The following CPSF6 variants were observed in gnomAD, a reference collection of about 807,000 sequenced individuals.
The protein encoded by CPSF6 is cleavage and polyadenylation specificity factor subunit 6.
In CPSF6, 10 loss-of-function variants were observed where a neutral mutation model predicts 56.7. That is an observed-to-expected ratio of 0.18 (90% CI 0.11 to 0.30). The LOEUF is 0.30. CPSF6 is among the 10% of genes least tolerant of loss of function. The pLI is 1.00. For synonymous variants in CPSF6, 248 were observed against 244.8 expected (o/e 1.01, Z -0.12); for missense variants, 419 against 722.9 (o/e 0.58, Z 4.82).
In CPSF6 at chr12:69,257,808, A is replaced by G. The variant is rs201680895; in HGVS notation, c.597A>G (p.Gln199=). ...PGGSSRAAFP[Q]GGRGRGRFPG... is the part of the protein sequence containing the mutation. ...GCAGTTCCCGTGCAGCATTTCCACA[A>G]GGTGGTAGAGGACGGGGCCGTTTTC... Residue 199 remains glutamine (Q), a synonymous_variant, in exon 5 of 10, where the codon CAA becomes CAG. Transcript: ENST00000435070. 13 of 1,613,498 alleles carry G rather than the reference A, an allele frequency of 8.1e-6. No homozygotes were observed. Among genetic ancestry groups the G allele is most frequent in the Non-Finnish European group, 1.0e-5 (12 of 1,179,878 alleles).
chr12:69,258,267 C>A lies in CPSF6; in HGVS notation c.695-323C>A. 1 of 681,082 alleles carries A rather than the reference C, an allele frequency of 1.5e-6. No individual in the cohort carries two copies. 42.2% of individuals were successfully genotyped at this position (681,082 alleles called of 1,614,324 possible). ...TTCCTTGTTTCACTTTCTAGCTTGG[C>A]ATCAGAGTAGAATATAAGGTGGGTG... On this transcript the variant is annotated intron_variant, in intron 5 of 9. Coordinates refer to ENST00000435070, the MANE Select transcript of CPSF6 (RefSeq NM_007007.3). The surrounding 1 kb of genome is among the most constrained non-coding windows in gnomAD (Gnocchi z 4.2).
intron 1 of CPSF6, among the ~76,000 whole-genome samples, chr12:69,241,466 A>G (rs543614423): frequency 3.9e-5 from 6 of 152,244 alleles, no homozygotes; most frequent in Non-Finnish European, 8.8e-5. Context: ...CTTACAAGAT[A>G]ATACATTGGT....
intron 1 of CPSF6, among the ~76,000 whole-genome samples, chr12:69,241,424 T>C (rs1307792844): frequency 6.6e-6 from 1 of 152,210 alleles, no homozygotes; most frequent in Non-Finnish European, 1.5e-5. Context: ...GGAACAACGA[T>C]TGAGTGTTCA....
chr12:69,270,997 G>A lies in CPSF6; in HGVS notation c.*1489G>A, dbSNP rs1873214222. On this transcript the variant is annotated 3_prime_UTR_variant, in exon 10 of 10. Transcript: ENST00000435070. The stretch of plus-strand genomic sequence containing the variant: ...ATGCTTAAAGTGTTAAAATACCCTA[G>A]ATACTGTGTTATGTGCAACTGTAGA... 1.3e-5 allele frequency: 2 copies of A among 151,692 alleles called. No homozygotes were observed. The highest frequency in any genetic ancestry group is 6.6e-5 in the Admixed American group (1 of 15,226). The allele number at this position is 151,692 out of a possible 1,614,324, so 9.4% of individuals were successfully genotyped here. A position where few individuals can be genotyped will look rare whatever the true frequency, so the allele number is the denominator to read the frequency against.
At chr12:69,250,752 T>G (rs1175324763) in intron 1 of CPSF6, among the ~76,000 whole-genome samples, 2 of 152,090 alleles carry the variant, frequency 1.3e-5, no homozygotes, top group African/African-American at 4.8e-5. Flanking sequence ...GTTCAAGCGA[T>G]TCTCCTGCCT....
At chr12:69,246,027 C>T (rs1280039083) in intron 1 of CPSF6, among the ~76,000 whole-genome samples, 1 of 152,190 alleles carries the variant, frequency 6.6e-6, no homozygotes, top group Non-Finnish European at 1.5e-5. Context: ...GCAGAGGCTG[C>T]AGTGAGCTGA....
intron 1 of CPSF6, among the ~76,000 whole-genome samples, chr12:69,241,530 G>A (rs73335748): frequency 0.023 from 3,461 of 152,262 alleles, 135 homozygotes; most frequent in African/African-American, 0.078. Flanking sequence ...TAGAAGTTAA[G>A]CTTTTTTCAG....
chr12:69,249,371 A>G (rs78589938), intron 1 of CPSF6, among the ~76,000 whole-genome samples: 2,274 of 152,128 alleles, frequency 0.015, 25 homozygotes, highest in Admixed American at 0.023. Context: ...GCCTGGGCCC[A>G]TAATATCTTG....
chr12:69,247,383 T>A (rs76183018), intron 1 of CPSF6, among the ~76,000 whole-genome samples: 75 of 151,230 alleles, frequency 5.0e-4, no homozygotes, highest in Middle Eastern at 3.2e-3. Flanking sequence ...TTTTTTTTTT[T>A]AAACAAACCC....
intron 8 of CPSF6, 138 bp from the exon 9 acceptor site, chr12:69,262,235 T>C (rs932739682): frequency 1.9e-6 from 2 of 1,033,874 alleles, no homozygotes; most frequent in Admixed American, 3.1e-5. Context: ...TAAGTCGTTA[T>C]TGGCAGCTCA....
At chr12:69,264,525 C>T (rs1208299322) in intron 9 of CPSF6, among the ~76,000 whole-genome samples, 1 of 152,104 alleles carries the variant, frequency 6.6e-6, no homozygotes, top group East Asian at 1.9e-4. Flanking sequence ...CAGACATAAA[C>T]TACAAATTCC....
chr12:69,272,869 A>AGTGTGT lies in CPSF6; in HGVS notation c.*3384_*3389dup, dbSNP rs3051105. On this transcript the variant is annotated 3_prime_UTR_variant, in exon 10 of 10. Coordinates refer to ENST00000435070, the MANE Select transcript of CPSF6 (RefSeq NM_007007.3). ...AAGCATTCTATTTTTCTGTTCTTAC[A>AGTGTGT]GTGTGTGTGTGTGTGTGTGTGTGTG... is the stretch of plus-strand genomic sequence containing the variant. 0.02 allele frequency: 3,010 copies of AGTGTGT among 154,208 alleles called. 52 individuals are homozygous for AGTGTGT. The highest frequency in any genetic ancestry group is 0.053 in the East Asian group (283 of 5,316). The allele number at this position is 154,208 out of a possible 1,614,324, so 9.6% of individuals were successfully genotyped here. A position where few individuals can be genotyped will look rare whatever the true frequency, so the allele number is the denominator to read the frequency against.
chr12:69,260,322 T>TTC, intron 8 of CPSF6, 125 bp downstream of exon 8: 1 of 704,602 alleles, frequency 1.4e-6, no homozygotes, highest in Non-Finnish European at 2.3e-6. Flanking sequence ...TGGAGTGGTT[T>TTC]TTTTTTTTAA....
At chr12:69,248,105 C>T (rs1872011700) in intron 1 of CPSF6, among the ~76,000 whole-genome samples, 1 of 152,170 alleles carries the variant, frequency 6.6e-6, no homozygotes, top group Non-Finnish European at 1.5e-5. Flanking sequence ...TTTGTGTCAA[C>T]ATAGGAATTC....
chr12:69,269,233 A>G (rs1873135647), intron 9 of CPSF6, among the ~76,000 whole-genome samples: 2 of 151,818 alleles, frequency 1.3e-5, no homozygotes, highest in South Asian at 4.1e-4. Context: ...CATCACAGAA[A>G]CAGTAGCTGC....
rs1342545103 is a variant in CPSF6, at chr12:69,271,835, C to CT, written c.*2334dup. ...GGTTAATGTTATTTGAAAACTCTTC[C>CT]TTTTTTTAATGTGTAAAAACAATCC... On this transcript the variant is annotated 3_prime_UTR_variant, in exon 10 of 10. Transcript: ENST00000435070. 1 of 151,578 alleles carries CT rather than the reference C, an allele frequency of 6.6e-6. No individual in the cohort carries two copies. The highest frequency in any genetic ancestry group is 1.5e-5 in the Non-Finnish European group (1 of 67,628). 9.4% of individuals were successfully genotyped at this position (151,578 alleles called of 1,614,324 possible). A position where few individuals can be genotyped will look rare whatever the true frequency, so the allele number is the denominator to read the frequency against.
intron 1 of CPSF6, among the ~76,000 whole-genome samples, chr12:69,242,579 G>A (rs1300827996): frequency 6.6e-6 from 1 of 152,130 alleles, no homozygotes. Flanking sequence ...CTCCTTATGG[G>A]TTCTCTTTAG....
intron 9 of CPSF6, 80 bp downstream of exon 9, chr12:69,262,642 A>G: frequency 8.3e-6 from 11 of 1,327,306 alleles, no homozygotes; most frequent in South Asian, 2.3e-5. Context: ...TTTATACAGT[A>G]TATACCTACA....
Position 69,272,187 on chromosome 12 carries a change from G to C in CPSF6, c.*2679G>C, listed in dbSNP as rs1323461980. ...TTTTTTGTCACTTTTCATAAGGTTT[G>C]GAGTAAGTTGCAGTGGCTTTTGATC... On this transcript the variant is annotated 3_prime_UTR_variant, in exon 10 of 10. Transcript: ENST00000435070. 6.7e-6 allele frequency: 1 copy of C among 148,956 alleles called. No individual in the cohort carries two copies. Among genetic ancestry groups the C allele is most frequent in the Admixed American group, 6.7e-5 (1 of 14,922 alleles). The allele number at this position is 148,956 out of a possible 1,614,324, so 9.2% of individuals were successfully genotyped here.
Sources: allele counts gnomAD v4.1 joint callset (sites outside exome capture counted in the v4.1 genomes callset), GRCh38; gene constraint gnomAD v4.1.1; non-coding constraint Gnocchi (gnomAD v3.1); transcripts MANE v1.5; gene names NCBI Gene and HGNC (gene_info 2026-07-23, HGNC 2026-07-21).